The following CUL3 variants were observed in gnomAD, a reference collection of about 807,000 sequenced individuals.
The protein encoded by CUL3 is cullin 3.
Under a neutral mutation model 89.1 loss-of-function variants are expected in CUL3, and 19 were observed. The observed-to-expected ratio is 0.21, with a 90% CI of 0.15 to 0.31. The LOEUF is 0.31. CUL3 is among the 10% of genes least tolerant of loss of function. The pLI is 1.00. For missense variants in CUL3, 469 were observed against 942.3 expected, an observed-to-expected ratio of 0.50 and a Z score of 6.58; for synonymous variants, 351 against 308.4, an observed-to-expected ratio of 1.14 and a Z score of -1.45.
intron 8 of CUL3, 131 bp from the exon 9 acceptor site, chr2:224,503,953 G>C (rs917077708): frequency 4.6e-6 from 3 of 654,172 alleles, no homozygotes; most frequent in African/African-American, 3.7e-5. Context: ...CAAAAAAAGG[G>C]ATACGGTTTG....
chr2:224,547,520 A>G (rs1015865700), intron 2 of CUL3, among the ~76,000 whole-genome samples: 1 of 152,122 alleles, frequency 6.6e-6, no homozygotes, highest in African/African-American at 2.4e-5. Flanking sequence ...TTCCTCAGGC[A>G]AAGTAACTCC....
intron 1 of CUL3, chr2:224,563,286 G>A (rs1042774458): frequency 1.7e-5 from 8 of 470,808 alleles, no homozygotes; most frequent in African/African-American, 1.6e-4. Context: ...TTTTCACCCT[G>A]AGAACTCTGT....
At chr2:224,516,627 T>C (rs1693061393) in intron 3 of CUL3, among the ~76,000 whole-genome samples, 1 of 148,984 alleles carries the variant, frequency 6.7e-6, no homozygotes, top group African/African-American at 2.5e-5. Flanking sequence ...CCTCCTTGCT[T>C]TTGATGGCTA....
At chr2:224,527,617 T>C (rs1311475426) in intron 3 of CUL3, among the ~76,000 whole-genome samples, 5 of 152,314 alleles carry the variant, frequency 3.3e-5, no homozygotes, top group Admixed American at 1.3e-4. Flanking sequence ...CAGCCACACA[T>C]TGATATAAGC....
chr2:224,541,739 GATAGA>G (rs1694113735), intron 2 of CUL3, among the ~76,000 whole-genome samples: 2 of 152,052 alleles, frequency 1.3e-5, no homozygotes, highest in Non-Finnish European at 2.9e-5. Flanking sequence ...ACAAATTATT[GATAGA>G]ATAGTTTGGA....
chr2:224,552,664 A>C (rs1694558625), intron 2 of CUL3, among the ~76,000 whole-genome samples: 2 of 152,228 alleles, frequency 1.3e-5, no homozygotes, highest in Admixed American at 6.5e-5. Flanking sequence ...AACAAACTAT[A>C]TAACAAACCA....
At chr2:224,487,443 C>CAAAAAA (rs530054431) in intron 13 of CUL3, among the ~76,000 whole-genome samples, 1 of 28,058 alleles carries the variant, frequency 3.6e-5, no homozygotes, top group Non-Finnish European at 5.8e-5. Context: ...CCGCCCCCCC[C>CAAAAAA]AAAAAAAAAA....
rs778577745 is a variant in CUL3 at position 224,478,185 on chromosome 2, G to C, written c.2175+15C>G. 4 of 1,599,986 alleles carry C rather than the reference G, an allele frequency of 2.5e-6. No homozygotes were observed. Among genetic ancestry groups the C allele is most frequent in the East Asian group, 2.2e-5 (1 of 44,704 alleles). On this transcript the variant is annotated intron_variant, in intron 15 of 15. Transcript: ENST00000264414. ...CTGTTTTTTCTATATTAGCCCAGTA[G>C]TGAAGAGTCCTCACCTCCGCTACTA...
intron 1 of CUL3, among the ~76,000 whole-genome samples, chr2:224,567,868 A>T (rs892093270): frequency 5.3e-5 from 8 of 152,188 alleles, no homozygotes; most frequent in African/African-American, 1.9e-4. Context: ...GACCCTGTTC[A>T]AAACCTTTCT....
intron 1 of CUL3, among the ~76,000 whole-genome samples, chr2:224,580,281 T>C (rs1477293760): frequency 6.6e-6 from 1 of 152,362 alleles, no homozygotes; most frequent in East Asian, 1.9e-4. Flanking sequence ...CCTTATTGTC[T>C]TCCATCTTAA....
rs953880348 is a variant in CUL3 at position 224,485,636 on chromosome 2, T to A, written c.1843-3558A>T. Among the ~76,000 whole-genome samples, 1 of 152,024 alleles carries A rather than the reference T, an allele frequency of 6.6e-6. No individual in the cohort carries two copies. Among genetic ancestry groups the A allele is most frequent in the African/African-American group, 2.4e-5 (1 of 41,360 alleles). On this transcript the variant is annotated intron_variant, in intron 13 of 15. Transcript: ENST00000264414. This position sits in a 1 kb window ranked among gnomAD's most constrained non-coding sequence, Gnocchi z 4.1. ...CACGGGCTTGTAAATAAAACTCCCATCTCCCTGGGACAGAGCACCTGGGAA... is the reference window on the plus strand; with the variant it reads ...CACGGGCTTGTAAATAAAACTCCCAACTCCCTGGGACAGAGCACCTGGGAA...
chr2:224,553,383 G>C (rs185215195), intron 2 of CUL3, among the ~76,000 whole-genome samples: 23 of 152,270 alleles, frequency 1.5e-4, no homozygotes, highest in Admixed American at 1.2e-3. Flanking sequence ...AACATTTTCA[G>C]ATGCCGGCAA....
At chr2:224,541,284 T>C (rs1694093673) in intron 2 of CUL3, among the ~76,000 whole-genome samples, 1 of 151,650 alleles carries the variant, frequency 6.6e-6, no homozygotes, top group Non-Finnish European at 1.5e-5. Context: ...GCAAAAGACT[T>C]GAACAGACAC....
At chr2:224,583,115 A>T (rs1371696845) in intron 1 of CUL3, among the ~76,000 whole-genome samples, 1 of 152,090 alleles carries the variant, frequency 6.6e-6, no homozygotes, top group Non-Finnish European at 1.5e-5. Context: ...GCGGTGGCTC[A>T]CTCCTGTAAT....
intron 1 of CUL3, among the ~76,000 whole-genome samples, chr2:224,576,687 A>AGG (rs55945819): frequency 7.4e-5 from 9 of 121,816 alleles, no homozygotes; most frequent in South Asian, 5.4e-4. Flanking sequence ...GTGAAAAAAA[A>AGG]GGGGGGGGGG....
chr2:224,483,582 T>G (rs908283520), intron 13 of CUL3, among the ~76,000 whole-genome samples: 6 of 152,218 alleles, frequency 3.9e-5, no homozygotes, highest in African/African-American at 4.8e-5. Flanking sequence ...GTTTTCCTAT[T>G]CATCTATATA....
At chr2:224,523,608 T>C (rs1693350262) in intron 3 of CUL3, among the ~76,000 whole-genome samples, 1 of 152,314 alleles carries the variant, frequency 6.6e-6, no homozygotes, top group Admixed American at 6.5e-5. Context: ...AAGAGGTATT[T>C]GTACATTCGT....
chr2:224,557,954 T>C (rs1694775994), intron 1 of CUL3, 98 bp from the exon 2 acceptor site: 1 of 671,076 alleles, frequency 1.5e-6, no homozygotes, highest in Non-Finnish European at 2.5e-6. Flanking sequence ...GTAAATATTG[T>C]ATTATATAGA....
intron 8 of CUL3, 82 bp downstream of exon 8, chr2:224,505,874 T>C (rs2106202166): frequency 1.1e-6 from 1 of 935,378 alleles, no homozygotes; most frequent in Non-Finnish European, 1.5e-6. Context: ...TTAATTTTTA[T>C]CTGTGAAATG....
Sources: gnomAD v4.1 joint callset for allele counts (sites outside exome capture counted in the v4.1 genomes callset) on GRCh38, gnomAD v4.1.1 for gene constraint, Gnocchi (gnomAD v3.1) non-coding constraint, MANE v1.5 for transcripts, NCBI Gene and HGNC (gene_info 2026-07-23, HGNC 2026-07-21) for gene names.